The following NCKAP5 variants were observed in gnomAD, a reference collection of about 807,000 sequenced individuals.
The protein encoded by NCKAP5 is NCK associated protein 5.
Under a neutral mutation model 167.0 loss-of-function variants are expected in NCKAP5, and 92 were observed. That is an observed-to-expected ratio of 0.55 (90% CI 0.47 to 0.66). NCKAP5 has a LOEUF of 0.66. NCKAP5 is among the 30% of genes least tolerant of loss of function. The pLI is 0.00. For missense variants in NCKAP5, 2,378 were observed against 2,315.0 expected, an observed-to-expected ratio of 1.03 and a Z score of -0.56; for synonymous variants, 891 against 877.4, an observed-to-expected ratio of 1.02 and a Z score of -0.27.
At chr2:133,322,622 A>G (rs1050724718) in intron 3 of NCKAP5, among the ~76,000 whole-genome samples, 3 of 152,256 alleles carry the variant, frequency 2.0e-5, no homozygotes, top group African/African-American at 7.2e-5. Context: ...TTGAAAAATT[A>G]TCTTTCTAGT....
intron 5 of NCKAP5, among the ~76,000 whole-genome samples, chr2:133,155,203 C>T (rs563103091): frequency 6.6e-6 from 1 of 152,288 alleles, no homozygotes; most frequent in Admixed American, 6.5e-5. Flanking sequence ...TGAAGTCCAA[C>T]CTTGGAGGAG....
At chr2:133,668,975 G>T in the NCKAP5 span, among the ~76,000 whole-genome samples, 2 of 152,174 alleles carry the variant, frequency 1.3e-5, no homozygotes, top group African/African-American at 2.4e-5. Context: ...GTGGGAGTTT[G>T]CAGGGAGCTA....
chr2:132,811,598 T>C (rs2105267916), intron 11 of NCKAP5, among the ~76,000 whole-genome samples: 1 of 152,144 alleles, frequency 6.6e-6, no homozygotes, highest in South Asian at 2.1e-4. Flanking sequence ...ACTACTACCA[T>C]GCTCCCCCCA....
intron 19 of NCKAP5, among the ~76,000 whole-genome samples, chr2:132,700,671 A>G (rs1430884930): frequency 1.3e-5 from 2 of 152,202 alleles, no homozygotes; most frequent in East Asian, 3.8e-4. Context: ...ACTGGTGACT[A>G]CATTCTGTCA....
chr2:133,382,457 A>G (rs1686596138), intron 3 of NCKAP5, among the ~76,000 whole-genome samples: 1 of 152,178 alleles, frequency 6.6e-6, no homozygotes, highest in Admixed American at 6.5e-5. Flanking sequence ...ATGACACTCA[A>G]GTCCCTACAG....
At chr2:133,647,333 A>AGG in the NCKAP5 span, among the ~76,000 whole-genome samples, 12 of 136,866 alleles carry the variant, frequency 8.8e-5, 1 homozygote, top group African/African-American at 3.3e-4. Flanking sequence ...CAAGACCGAA[A>AGG]AAAGAAAGGA....
rs373934963 is a variant in NCKAP5, at chr2:132,878,834, T to C, written c.648+14A>G. ...AGTCCAGCCTTGGATCAGGAGCCTC[T>C]CCATCCCCCTTACCTCATCAAGACA... On this transcript the variant is annotated intron_variant, in intron 9 of 19. Transcript: ENST00000409261. The C allele has an allele frequency of 5.0e-6, 8 of 1,606,578 alleles. No individual in the cohort carries two copies. Among genetic ancestry groups the C allele is most frequent in the African/African-American group, 1.3e-5 (1 of 74,774 alleles).
chr2:132,686,669 A>G (rs1244034849), intron 19 of NCKAP5, among the ~76,000 whole-genome samples: 1 of 152,148 alleles, frequency 6.6e-6, no homozygotes, highest in Non-Finnish European at 1.5e-5. Context: ...TCACCTCTCT[A>G]ATGCCCTTTA....
At chr2:133,535,598 G>A (rs1341116175) in intron 2 of NCKAP5, among the ~76,000 whole-genome samples, 1 of 146,220 alleles carries the variant, frequency 6.8e-6, no homozygotes, top group Non-Finnish European at 1.5e-5. Context: ...CTTTGCTACT[G>A]TGAATAGTGC....
chr2:133,190,478 A>C (rs2085164363), intron 5 of NCKAP5, among the ~76,000 whole-genome samples: 1 of 152,226 alleles, frequency 6.6e-6, no homozygotes, highest in African/African-American at 2.4e-5. Context: ...CCTAAGCCAA[A>C]AGAACAAAGC....
At chr2:133,101,081 A>G (rs2081499492) in intron 6 of NCKAP5, among the ~76,000 whole-genome samples, 1 of 151,366 alleles carries the variant, frequency 6.6e-6, no homozygotes, top group African/African-American at 2.4e-5. Context: ...ATTTTTGTAT[A>G]AGGTGTAAGG....
At chr2:132,709,780 T>G (rs1406310379) in intron 19 of NCKAP5, among the ~76,000 whole-genome samples, 1 of 152,126 alleles carries the variant, frequency 6.6e-6, no homozygotes, top group Non-Finnish European at 1.5e-5. Flanking sequence ...GGCTAAATCA[T>G]TCTAACTTAT....
chr2:132,970,330 T>C (rs1210637771), intron 7 of NCKAP5, among the ~76,000 whole-genome samples: 1 of 152,166 alleles, frequency 6.6e-6, no homozygotes, highest in East Asian at 1.9e-4. Context: ...TAGTGCTAAA[T>C]ACTGTGTATT....
chr2:133,214,077 T>C (rs1189197376), intron 4 of NCKAP5, among the ~76,000 whole-genome samples: 1 of 152,246 alleles, frequency 6.6e-6, no homozygotes, highest in Non-Finnish European at 1.5e-5. Context: ...TTCATGGCTA[T>C]AGTATTTTAG....
At chr2:133,177,661 G>C (rs2150018900) in intron 5 of NCKAP5, among the ~76,000 whole-genome samples, 1 of 152,214 alleles carries the variant, frequency 6.6e-6, no homozygotes, top group Middle Eastern at 3.4e-3. Flanking sequence ...TTCTAGTCGA[G>C]ACTTCCATAC....
chr2:132,985,319 A>G (rs756664068), intron 7 of NCKAP5, among the ~76,000 whole-genome samples: 1 of 152,204 alleles, frequency 6.6e-6, no homozygotes, highest in Non-Finnish European at 1.5e-5. Context: ...AGAAGAATGT[A>G]CATATCTATT....
intron 3 of NCKAP5, among the ~76,000 whole-genome samples, chr2:133,515,781 G>A (rs973607915): frequency 6.6e-6 from 1 of 152,172 alleles, no homozygotes; most frequent in South Asian, 2.1e-4. Context: ...GATCCCCATT[G>A]GGGGTTACTC....
At chr2:132,907,884 C>G (rs866802035) in intron 8 of NCKAP5, among the ~76,000 whole-genome samples, 5 of 152,032 alleles carry the variant, frequency 3.3e-5, no homozygotes, top group Non-Finnish European at 7.4e-5. Context: ...GTCTCGATCT[C>G]CTGACCTCGT....
chr2:132,919,764 C>G (rs780204103), intron 8 of NCKAP5, among the ~76,000 whole-genome samples: 5 of 152,130 alleles, frequency 3.3e-5, no homozygotes, highest in Non-Finnish European at 5.9e-5. Flanking sequence ...GACATCTATA[C>G]TTCTACAAGA....
Sources: gnomAD v4.1 joint callset for allele counts (sites outside exome capture counted in the v4.1 genomes callset) on GRCh38, gnomAD v4.1.1 for gene constraint, MANE v1.5 for transcripts, NCBI Gene and HGNC (gene_info 2026-07-23, HGNC 2026-07-21) for gene names.